CPXM1: variants seen among roughly 807,000 people sequenced by gnomAD.
CPXM1 encodes probable carboxypeptidase X1.
In CPXM1, 72 loss-of-function variants were observed where a neutral mutation model predicts 80.4. That is an observed-to-expected ratio of 0.90 (90% CI 0.74 to 1.09). The LOEUF is 1.09. Ranked by LOEUF, CPXM1 falls within the 50% of genes least tolerant of loss-of-function variation. CPXM1 has a pLI of 0.00. For missense variants in CPXM1, 892 were observed against 999.4 expected (o/e 0.89, Z 1.45); for synonymous variants, 403 against 405.6 (o/e 0.99, Z 0.08).
At position 2,794,512 on chromosome 20, in the gene CPXM1, C is replaced by G; in HGVS notation, c.1963+25G>C. On this transcript the variant is annotated intron_variant, in intron 13 of 13. Coordinates refer to ENST00000380605, the MANE Select transcript of CPXM1 (RefSeq NM_019609.5). The surrounding 1 kb of genome is among the most constrained non-coding windows in gnomAD (Gnocchi z 5.2). Reference sequence around the variant, plus strand: ...CGAGCCTCCAGCCCTCCAGCCCCTTCCCTTGCCCTCCCGGTCAAACACACC... The same window carrying G: ...CGAGCCTCCAGCCCTCCAGCCCCTTGCCTTGCCCTCCCGGTCAAACACACC... 6.2e-7 allele frequency: 1 copy of G among 1,613,882 alleles called. No individual in the cohort carries two copies. The highest frequency in any genetic ancestry group is 8.5e-7 in the Non-Finnish European group (1 of 1,179,906).
In CPXM1 at chr20:2,796,993, G is replaced by A; in HGVS notation, c.921+13C>T. 6.2e-7 allele frequency: 1 copy of A among 1,610,488 alleles called. No homozygotes were observed. The highest frequency in any genetic ancestry group is 1.3e-5 in the African/African-American group (1 of 74,956). Reference sequence around the variant, plus strand: ...TGGGCCCTCCTTCCCAGGTCATAGGGGTTATATCTGACCTTCCTCATGGCC... The same window carrying A: ...TGGGCCCTCCTTCCCAGGTCATAGGAGTTATATCTGACCTTCCTCATGGCC... On this transcript the variant is annotated intron_variant, in intron 7 of 13. Transcript: ENST00000380605. The surrounding 1 kb of genome is among the most constrained non-coding windows in gnomAD (Gnocchi z 6.8).
At position 2,795,610 on chromosome 20, in the gene CPXM1, G is replaced by A. The variant is rs781462252; in HGVS notation, c.1709C>T (p.Thr570Met). Residue 570 changes from threonine to methionine, a missense_variant, in exon 11 of 14, where the codon ACG becomes ATG. Coordinates refer to ENST00000380605, the MANE Select transcript of CPXM1 (RefSeq NM_019609.5). This position sits in a 1 kb window ranked among gnomAD's most constrained non-coding sequence, Gnocchi z 5.4. ...CCTCAGGCACATACTCCCGGGGACC[G>A]TGTGCCAGTCAGCCCCGTTGATGAT... ...GNIINGADWH[T>M]VPGSMNDFSY... The A allele has an allele frequency of 2.0e-5, 33 of 1,613,234 alleles. 1 individual carries two copies. The Admixed American group carries it at 3.0e-4, about 15-fold the overall frequency.
chr20:2,798,841 A>G lies in CPXM1; in HGVS notation c.225T>C (p.Ile75=). 1.1e-5 allele frequency: 17 copies of G among 1,614,008 alleles called. No homozygotes were observed. Among genetic ancestry groups the G allele is most frequent in the Non-Finnish European group, 1.4e-5 (17 of 1,179,962 alleles). ...GAGTTAGCTTCTTCCGCTTCTTCAT[A>G]ATGACCTTTTTCTTCTTGATGACTC... ...RIRVIKKKKV[I]MKKRKKLTLT... The change falls in exon 2 of 14, where the codon ATT becomes ATC. Residue 75 remains isoleucine (I), a synonymous_variant. Coordinates refer to ENST00000380605, the MANE Select transcript of CPXM1 (RefSeq NM_019609.5).
Position 2,797,025 on chromosome 20 carries a change from T to C in CPXM1, c.902A>G (p.Asn301Ser), listed in dbSNP as rs774561886. Residue 301 changes from asparagine to serine, a missense_variant, in exon 7 of 14, where the codon AAT becomes AGT. Transcript: ENST00000380605. The stretch of plus-strand genomic sequence containing the variant: ...TCTGACCTTCCTCATGGCCTTGTAA[T>C]TGTGATGCTGAAAGTCTAGAGGGTC... ...SSDPLDFQHH[N>S]YKAMRKLMKQ... 3 of 1,613,954 alleles carry C rather than the reference T, an allele frequency of 1.9e-6. No individual in the cohort carries two copies. The highest frequency in any genetic ancestry group is 2.2e-5 in the South Asian group (2 of 91,064).
chr20:2,797,518 C>A (rs1405569077), intron 5 of CPXM1, among the ~76,000 whole-genome samples, 176 bp from the exon 6 acceptor site: 2 of 152,174 alleles, frequency 1.3e-5, no homozygotes, highest in African/African-American at 2.4e-5. Flanking sequence ...CAATGGGCAG[C>A]CCTAGGCAGC....
chr20:2,798,853 C>T lies in CPXM1; in HGVS notation c.213G>A (p.Lys71=). The part of the protein sequence containing the change: ...EQHVRIRVIK[K]KKVIMKKRKK... ...TCCGCTTCTTCATAATGACCTTTTT[C>T]TTCTTGATGACTCGAATCCGGACAT... Residue 71 remains lysine (K), a synonymous_variant, in exon 2 of 14, where the codon AAG becomes AAA. Coordinates refer to ENST00000380605, the MANE Select transcript of CPXM1 (RefSeq NM_019609.5). 1.2e-6 allele frequency: 2 copies of T among 1,614,074 alleles called. No homozygotes were observed. The highest frequency in any genetic ancestry group is 1.7e-6 in the Non-Finnish European group (2 of 1,179,994).
chr20:2,796,506 C>T lies in CPXM1; in HGVS notation c.1045+21G>A. On this transcript the variant is annotated intron_variant, in intron 8 of 13. Coordinates refer to ENST00000380605, the MANE Select transcript of CPXM1 (RefSeq NM_019609.5). This position sits in a 1 kb window ranked among gnomAD's most constrained non-coding sequence, Gnocchi z 6.8. ...GGGGCCCTGCCCTGTGCCTACCTCT[C>T]CCCACTCCCCATGCCAGTACCCAGC... 6.2e-7 allele frequency: 1 copy of T among 1,613,790 alleles called. No individual in the cohort carries two copies. Among genetic ancestry groups the T allele is most frequent in the Non-Finnish European group, 8.5e-7 (1 of 1,179,796 alleles).
In CPXM1 at chr20:2,797,068, G is replaced by A; in HGVS notation, c.859C>T (p.Pro287Ser). ...AGAGGGTCAGAGGATCCCGACGCAGGGGCCTCAAGGAATAGGTCATTGGGG... is the reference window on the plus strand; with the variant it reads ...AGAGGGTCAGAGGATCCCGACGCAGAGGCCTCAAGGAATAGGTCATTGGGG... ...SDPNDLFLEA[P>S]ASGSSDPLDF... The change falls in exon 7 of 14, where the codon CCT becomes TCT. Residue 287 changes from proline (P) to serine (S), a missense_variant. This residue lies in a region of CPXM1 where 874 missense variants were observed against 958.4 expected (regional missense o/e 0.91). Transcript: ENST00000380605. 6.2e-7 allele frequency: 1 copy of A among 1,614,098 alleles called. No homozygotes were observed. The highest frequency in any genetic ancestry group is 8.5e-7 in the Non-Finnish European group (1 of 1,179,982).
chr20:2,795,189 A>G lies in CPXM1; in HGVS notation c.1860+88T>C. On this transcript the variant is annotated intron_variant, in intron 12 of 13. Coordinates refer to ENST00000380605, the MANE Select transcript of CPXM1 (RefSeq NM_019609.5). This position sits in a 1 kb window ranked among gnomAD's most constrained non-coding sequence, Gnocchi z 5.4. ...CTTGTGAGTCTGAATGCTCAGCTGG[A>G]CCTTAGAAGAACCCCTGGTAGGAGC... The G allele has an allele frequency of 6.8e-7, 1 of 1,473,028 alleles. No individual in the cohort carries two copies. The highest frequency in any genetic ancestry group is 9.3e-7 in the Non-Finnish European group (1 of 1,076,170). 91.2% of individuals were successfully genotyped at this position (1,473,028 alleles called of 1,614,324 possible). A position where few individuals can be genotyped will look rare whatever the true frequency, so the allele number is the denominator to read the frequency against.
chr20:2,798,771 G>A lies in CPXM1; in HGVS notation c.295C>T (p.Pro99Ser). 6.2e-7 allele frequency: 1 copy of A among 1,613,856 alleles called. No homozygotes were observed. Among genetic ancestry groups the A allele is most frequent in the Non-Finnish European group, 8.5e-7 (1 of 1,179,968 alleles). Residue 99 changes from proline to serine, a missense_variant, in exon 2 of 14, where the codon CCC becomes TCC. This residue lies in a region of CPXM1 where 874 missense variants were observed against 958.4 expected (regional missense o/e 0.91). Coordinates refer to ENST00000380605, the MANE Select transcript of CPXM1 (RefSeq NM_019609.5). ...GGGTCGAGGGTCCCTGCTGGAGTGG[G>A]GGTCACAAGGGGCCCGGCAGTCACC... Reference protein sequence around the residue: ...PLVTAGPLVTPTPAGTLDPAE... With the variant: ...PLVTAGPLVTSTPAGTLDPAE...
At position 2,795,254 on chromosome 20, in the gene CPXM1, G is replaced by A. The variant is rs770416813; in HGVS notation, c.1860+23C>T. On this transcript the variant is annotated intron_variant, in intron 12 of 13. Coordinates refer to ENST00000380605, the MANE Select transcript of CPXM1 (RefSeq NM_019609.5). This position sits in a 1 kb window ranked among gnomAD's most constrained non-coding sequence, Gnocchi z 5.4. ...ACAGCAGGAGTGATTCAGGCAGGCT[G>A]GGGGCCGGGACGCAGATCCGACCTG... 1.2e-6 allele frequency: 2 copies of A among 1,608,648 alleles called. No homozygotes were observed. The highest frequency in any genetic ancestry group is 2.2e-5 in the East Asian group (1 of 44,786).
rs2088494390 is a variant in CPXM1, at chr20:2,795,402, T to C, written c.1735A>G (p.Ser579Gly). ...TCAAAGCAGTTGGTGTGTAGGTAGC[T>C]GAAGTCATTCATGCCTAAGGGGACC... Reference protein sequence around the residue: ...HTVPGSMNDFSYLHTNCFEVT... With the variant: ...HTVPGSMNDFGYLHTNCFEVT... Residue 579 changes from serine (S) to glycine (G), a missense_variant, in exon 12 of 14, where the codon AGC (serine) becomes GGC (glycine). Physicochemically the swap from Ser to Gly is moderately conservative, Grantham distance 56. Transcript: ENST00000380605. The surrounding 1 kb of genome is among the most constrained non-coding windows in gnomAD (Gnocchi z 5.4). 2 of 1,613,972 alleles carry C rather than the reference T, an allele frequency of 1.2e-6. No homozygotes were observed. The highest frequency in any genetic ancestry group is 2.2e-5 in the South Asian group (2 of 91,076).
rs767923118 is a variant in CPXM1 at position 2,795,681 on chromosome 20, G to A, written c.1638C>T (p.Thr546=). The A allele has an allele frequency of 5.0e-5, 80 of 1,613,920 alleles. No individual in the cohort carries two copies. Among genetic ancestry groups the A allele is most frequent in the Non-Finnish European group, 6.1e-5 (72 of 1,180,038 alleles). ...CCTGGCTGTGGCAGGGTCGGCGGCT[G>A]GTGTCCTGCATGGCCAGATTACTGC... The part of the protein sequence containing the change: ...YAGSNLAMQD[T]SRRPCHSQDF... The change falls in exon 11 of 14, where the codon ACC becomes ACT. Residue 546 remains threonine, a synonymous_variant. Transcript: ENST00000380605. The surrounding 1 kb of genome is among the most constrained non-coding windows in gnomAD (Gnocchi z 5.4).
intron 5 of CPXM1, 50 bp downstream of exon 5, chr20:2,797,917 TG>T (rs1347770092): frequency 6.5e-7 from 1 of 1,530,652 alleles, no homozygotes; most frequent in African/African-American, 1.4e-5. Context: ...TAGCCTGGAC[TG>T]GGTGCCCAAC....
Position 2,796,784 on chromosome 20 carries a change from GGAGCGGCAGCA to G in CPXM1, c.922-145_922-135del. On this transcript the variant is annotated intron_variant, in intron 7 of 13. Coordinates refer to ENST00000380605, the MANE Select transcript of CPXM1 (RefSeq NM_019609.5). This position sits in a 1 kb window ranked among gnomAD's most constrained non-coding sequence, Gnocchi z 6.8. ...GGGCATCCCATCATGGTACAGGAGG[GGAGCGGCAGCA>G]GAGCCGGGAGGAAGGGGTAGGACTG... is the stretch of plus-strand genomic sequence containing the variant. The G allele has an allele frequency of 7.5e-7, 1 of 1,335,838 alleles. No homozygotes were observed. Among genetic ancestry groups the G allele is most frequent in the Admixed American group, 2.2e-5 (1 of 46,178 alleles). 82.7% of individuals were successfully genotyped at this position (1,335,838 alleles called of 1,614,324 possible). A position where few individuals can be genotyped will look rare whatever the true frequency, so the allele number is the denominator to read the frequency against.
At position 2,795,722 on chromosome 20, in the gene CPXM1, T is replaced by A; in HGVS notation, c.1597A>T (p.Ser533Cys). The A allele has an allele frequency of 3.1e-6, 5 of 1,613,960 alleles. No individual in the cohort carries two copies. The highest frequency in any genetic ancestry group is 1.3e-5 in the African/African-American group (1 of 75,046). ...AGATTACTGCCAGCATAGACAGTGC[T>A]GAGCCAGCGAAACACAGCATCATCT... ...TPDDAVFRWL[S>C]TVYAGSNLAM... The change falls in exon 11 of 14, where the codon AGC (serine) becomes TGC (cysteine). Residue 533 changes from serine to cysteine, a missense_variant. Physicochemically the swap from Ser to Cys is moderately radical, Grantham distance 112. Transcript: ENST00000380605. This position sits in a 1 kb window ranked among gnomAD's most constrained non-coding sequence, Gnocchi z 5.4.
chr20:2,796,889 A>C lies in CPXM1; in HGVS notation c.921+117T>G. 1 of 1,058,388 alleles carries C rather than the reference A, an allele frequency of 9.4e-7. No homozygotes were observed. The highest frequency in any genetic ancestry group is 1.4e-5 in the South Asian group (1 of 71,406). The allele number at this position is 1,058,388 out of a possible 1,614,324, so 65.6% of individuals were successfully genotyped here. A position where few individuals can be genotyped will look rare whatever the true frequency, so the allele number is the denominator to read the frequency against. On this transcript the variant is annotated intron_variant, in intron 7 of 13. Transcript: ENST00000380605. This position sits in a 1 kb window ranked among gnomAD's most constrained non-coding sequence, Gnocchi z 6.8. ...CCACAGGAGAGAAGGCTGAGACATC[A>C]GGAGGCAGCAGGGGCATACAAGCGC...
At chr20:2,797,514 G>A (rs931977001) in intron 5 of CPXM1, among the ~76,000 whole-genome samples, 172 bp from the exon 6 acceptor site, 1 of 152,204 alleles carries the variant, frequency 6.6e-6, no homozygotes, top group Non-Finnish European at 1.5e-5. Flanking sequence ...CTGCCAATGG[G>A]CAGCCCTAGG....
In CPXM1 at chr20:2,795,292, G is replaced by A. The variant is rs779200453; in HGVS notation, c.1845C>T (p.Leu615=). 7 of 1,613,840 alleles carry A rather than the reference G, an allele frequency of 4.3e-6. No homozygotes were observed. The South Asian group carries it at 5.5e-5, about 13-fold the overall frequency. Reference sequence around the variant, plus strand: ...CAGATCCGACCTGCTCCAGGTAGGTGAGGAGGGCGTCTTTGTTGTTCTCCC... The same window carrying A: ...CAGATCCGACCTGCTCCAGGTAGGTAAGGAGGGCGTCTTTGTTGTTCTCCC... ...QEWENNKDAL[L]TYLEQVRMGI... The change falls in exon 12 of 14, where the codon CTC becomes CTT. Residue 615 remains leucine (L), a synonymous_variant. Transcript: ENST00000380605. The surrounding 1 kb of genome is among the most constrained non-coding windows in gnomAD (Gnocchi z 5.4).
Sources: gnomAD v4.1 joint callset for allele counts (sites outside exome capture counted in the v4.1 genomes callset) on GRCh38, gnomAD v4.1.1 for gene constraint, gnomAD v4.1.1 regional missense constraint, Gnocchi (gnomAD v3.1) non-coding constraint, MANE v1.5 for transcripts, NCBI Gene and HGNC (gene_info 2026-07-23, HGNC 2026-07-21) for gene names.